Variants in LRPAP1 observed in about 807,000 individuals in gnomAD.
LRPAP1 encodes LDL receptor related protein associated protein 1.
LRPAP1 carries 41 observed loss-of-function variants against 39.9 expected under a neutral mutation model. The ratio of observed to expected loss-of-function variants is 1.03; its 90% confidence interval spans 0.80 to 1.33. The LOEUF (loss-of-function observed/expected upper bound fraction) is 1.33, where lower values mean the gene tolerates loss of function less well. LRPAP1 is among the 40% of genes most tolerant of loss of function. The probability of loss-of-function intolerance (pLI) is 0.00; values close to 1 mark genes in which losing one functional copy is unlikely to be tolerated. For missense variants in LRPAP1, 565 were observed against 482.3 expected (o/e 1.17, Z -1.61); for synonymous variants, 263 against 212.7 (o/e 1.24, Z -2.06).
chr4:3,516,277 T>C lies in LRPAP1; in HGVS notation c.752-79A>G, dbSNP rs549546439. On this transcript the variant is annotated intron_variant, in intron 5 of 7. Transcript: ENST00000650182. ...CCAGCCCCGCGGCAACCACGCTGAG[T>C]GTGCGTGGAGCCTATGAGGGTTTGC... 1.9e-5 allele frequency: 21 copies of C among 1,112,016 alleles called. No individual in the cohort carries two copies. The East Asian group carries it at 3.5e-4, about 19-fold the overall frequency. 68.9% of individuals were successfully genotyped at this position (1,112,016 alleles called of 1,614,324 possible). A position where few individuals can be genotyped will look rare whatever the true frequency, so the allele number is the denominator to read the frequency against.
rs1450992343 is a variant in LRPAP1, at chr4:3,520,099, G to A, written c.444C>T (p.Asp148=). The change falls in exon 3 of 8, where the codon GAC becomes GAT. Residue 148 remains aspartate (D), a synonymous_variant. Coordinates refer to ENST00000650182, the MANE Select transcript of LRPAP1 (RefSeq NM_002337.4). ...LSGTQEDGLD[D]PRLEKLWHKA... is the part of the protein sequence containing the mutation. ...TGTGCCACAGCTTTTCCAGCCTGGG[G>A]TCATCCAGCCCGTCTTCCTGGGTGC... 3.1e-6 allele frequency: 5 copies of A among 1,614,166 alleles called. No homozygotes were observed. The highest frequency in any genetic ancestry group is 4.2e-6 in the Non-Finnish European group (5 of 1,180,026).
rs1729293541 is a variant in LRPAP1, at chr4:3,504,541, G to C, written c.*8433C>G. 6.6e-6 allele frequency: 1 copy of C among 152,182 alleles called. No individual in the cohort carries two copies. The highest frequency in any genetic ancestry group is 2.4e-5 in the African/African-American group (1 of 41,414). The allele number at this position is 152,182 out of a possible 1,614,324, so 9.4% of individuals were successfully genotyped here. On this transcript the variant is annotated 3_prime_UTR_variant, in exon 8 of 8. Coordinates refer to ENST00000650182, the MANE Select transcript of LRPAP1 (RefSeq NM_002337.4). ...GAGGTGGGCGGATTGCCTGAGGTCA[G>C]GAGTTCGAGACCAGCCTGGCCAACA...
intron 5 of LRPAP1, 146 bp downstream of exon 5, chr4:3,517,888 C>A (rs904911687): frequency 1.7e-5 from 17 of 993,910 alleles, no homozygotes; most frequent in Non-Finnish European, 2.4e-5. Flanking sequence ...CTGTGACCAC[C>A]CGTGGGTAGA....
chr4:3,517,852 C>T, intron 5 of LRPAP1, 182 bp downstream of exon 5: 1 of 637,900 alleles, frequency 1.6e-6, no homozygotes, highest in Admixed American at 3.6e-5. Context: ...GAGTGACCTT[C>T]ACGGAGCAGC....
In LRPAP1 at chr4:3,509,871, G is replaced by A. The variant is rs1023354537; in HGVS notation, c.*3103C>T. 6.6e-6 allele frequency: 1 copy of A among 151,914 alleles called. No homozygotes were observed. Among genetic ancestry groups the A allele is most frequent in the African/African-American group, 2.4e-5 (1 of 41,176 alleles). 9.4% of individuals were successfully genotyped at this position (151,914 alleles called of 1,614,324 possible). A position where few individuals can be genotyped will look rare whatever the true frequency, so the allele number is the denominator to read the frequency against. On this transcript the variant is annotated 3_prime_UTR_variant, in exon 8 of 8. Transcript: ENST00000650182. Reference sequence around the variant, plus strand: ...TGGAGTCACACACGGCAGTCAACGCGTGGACACTGGAGACTGTTAAGACAC... The same window carrying A: ...TGGAGTCACACACGGCAGTCAACGCATGGACACTGGAGACTGTTAAGACAC...
intron 6 of LRPAP1, 47 bp from the exon 7 acceptor site, chr4:3,514,975 A>C: frequency 6.3e-7 from 1 of 1,595,204 alleles, no homozygotes; most frequent in Non-Finnish European, 8.6e-7. Context: ...CGTGCTCGCC[A>C]CGCCATCTTG....
chr4:3,507,184 A>ACT lies in LRPAP1; in HGVS notation c.*5788_*5789dup, dbSNP rs367683773. 1.2e-3 allele frequency: 177 copies of ACT among 152,378 alleles called. 1 individual carries two copies. Among genetic ancestry groups the ACT allele is most frequent in the African/African-American group, 4.1e-3 (171 of 41,590 alleles). 9.4% of individuals were successfully genotyped at this position (152,378 alleles called of 1,614,324 possible). On this transcript the variant is annotated 3_prime_UTR_variant, in exon 8 of 8. Coordinates refer to ENST00000650182, the MANE Select transcript of LRPAP1 (RefSeq NM_002337.4). ...GGTTGCAGTGAGCTATGATCGCACC[A>ACT]CTGCACTCCAAGCCTGTGCGAGAAA...
Position 3,513,064 on chromosome 4 carries a change from G to C in LRPAP1, c.1012-28C>G, listed in dbSNP as rs763289915. The C allele has an allele frequency of 3.1e-6, 5 of 1,589,532 alleles. No homozygotes were observed. The South Asian group carries it at 5.6e-5, about 18-fold the overall frequency. ...GTGGACAGAAACGTCTCATCAGCTG[G>C]GGACAGCGCGCCTCGAGGCCAGCTC... On this transcript the variant is annotated intron_variant, in intron 7 of 7. Coordinates refer to ENST00000650182, the MANE Select transcript of LRPAP1 (RefSeq NM_002337.4).
intron 7 of LRPAP1, among the ~76,000 whole-genome samples, chr4:3,513,322 CT>C (rs1440514759): frequency 1.3e-5 from 2 of 152,292 alleles, no homozygotes; most frequent in East Asian, 3.9e-4. Context: ...TATTTATTTA[CT>C]TACTGAAAGG....
intron 1 of LRPAP1, among the ~76,000 whole-genome samples, chr4:3,528,153 T>G (rs1286800119): frequency 6.6e-6 from 1 of 152,140 alleles, no homozygotes; most frequent in East Asian, 1.9e-4. Flanking sequence ...TTCACCTCTC[T>G]CAAGTTAAAT....
intron 5 of LRPAP1, chr4:3,517,795 G>A: frequency 4.4e-6 from 2 of 457,042 alleles, no homozygotes; most frequent in South Asian, 8.1e-5. Context: ...CAGGCCCGCT[G>A]CCGCCACTGC....
rs757662395 is a variant in LRPAP1 at position 3,514,947 on chromosome 4, A to C, written c.835-19T>G. ...GCTCCTCCTGGAACAAGGTTTCCAT[A>C]GGTGAGTGTTCCCTTCCCGTGCTCG... On this transcript the variant is annotated intron_variant, in intron 6 of 7. Coordinates refer to ENST00000650182, the MANE Select transcript of LRPAP1 (RefSeq NM_002337.4). The C allele has an allele frequency of 6.2e-7, 1 of 1,611,730 alleles. No individual in the cohort carries two copies. Among genetic ancestry groups the C allele is most frequent in the Non-Finnish European group, 8.5e-7 (1 of 1,178,478 alleles).
At chr4:3,532,120 C>T in intron 1 of LRPAP1, 89 bp downstream of exon 1, 1 of 1,416,848 alleles carries the variant, frequency 7.1e-7, no homozygotes, top group Non-Finnish European at 9.5e-7. Context: ...GCGCCCCCCT[C>T]CGCCTCCGAC....
At chr4:3,523,521 G>C (rs1443105404) in intron 2 of LRPAP1, among the ~76,000 whole-genome samples, 2 of 152,148 alleles carry the variant, frequency 1.3e-5, no homozygotes, top group Non-Finnish European at 2.9e-5. Flanking sequence ...GGAGAAGAGG[G>C]GTGGCTGGGA....
chr4:3,531,287 T>C (rs563108456), intron 1 of LRPAP1, among the ~76,000 whole-genome samples: 82 of 152,294 alleles, frequency 5.4e-4, no homozygotes, highest in Non-Finnish European at 9.4e-4. Flanking sequence ...GTCCCCCACC[T>C]GTTTCTCCTC....
chr4:3,525,152 A>G, intron 1 of LRPAP1, 101 bp from the exon 2 acceptor site: 1 of 1,361,512 alleles, frequency 7.3e-7, no homozygotes, highest in Non-Finnish European at 1.0e-6. Context: ...AGGTTCTGGG[A>G]GACCAGGAAG....
At chr4:3,522,142 A>G (rs1314966807) in intron 2 of LRPAP1, among the ~76,000 whole-genome samples, 1 of 152,186 alleles carries the variant, frequency 6.6e-6, no homozygotes, top group Non-Finnish European at 1.5e-5. Context: ...CCAGACCCCC[A>G]AGTCCAGCCA....
At chr4:3,529,869 A>G (rs1730196696) in intron 1 of LRPAP1, among the ~76,000 whole-genome samples, 1 of 152,204 alleles carries the variant, frequency 6.6e-6, no homozygotes, top group Non-Finnish European at 1.5e-5. Context: ...TGCAGAAAAC[A>G]GGGACACGAT....
At position 3,510,728 on chromosome 4, in the gene LRPAP1, T is replaced by C. The variant is rs1456021455; in HGVS notation, c.*2246A>G. 6.6e-6 allele frequency: 1 copy of C among 152,254 alleles called. No homozygotes were observed. Among genetic ancestry groups the C allele is most frequent in the African/African-American group, 2.4e-5 (1 of 41,452 alleles). 9.4% of individuals were successfully genotyped at this position (152,254 alleles called of 1,614,324 possible). A position where few individuals can be genotyped will look rare whatever the true frequency, so the allele number is the denominator to read the frequency against. The stretch of plus-strand genomic sequence containing the variant: ...AAAAGCCTGGGTGAATCTCAGATGC[T>C]GAGCGAATGTAAGCAGATACACGCA... On this transcript the variant is annotated 3_prime_UTR_variant, in exon 8 of 8. Coordinates refer to ENST00000650182, the MANE Select transcript of LRPAP1 (RefSeq NM_002337.4).
Sources: gnomAD v4.1 joint callset for allele counts (sites outside exome capture counted in the v4.1 genomes callset) on GRCh38, gnomAD v4.1.1 for gene constraint, MANE v1.5 for transcripts, NCBI Gene and HGNC (gene_info 2026-07-23, HGNC 2026-07-21) for gene names.